LARGE1: variants seen among roughly 807,000 people sequenced by gnomAD.
LARGE1 encodes LARGE xylosyl- and glucuronyltransferase 1, also known as xylosyl- and glucuronyltransferase LARGE1.
Under a neutral mutation model 87.6 loss-of-function variants are expected in LARGE1, and 43 were observed. The observed-to-expected ratio is 0.49, with a 90% CI of 0.38 to 0.63. LARGE1 has a LOEUF of 0.63. LARGE1 is among the 30% of genes least tolerant of loss of function. The pLI, the probability that LARGE1 is intolerant of heterozygous loss-of-function variation, is 0.00. For missense variants in LARGE1, 802 were observed against 1,000.2 expected (o/e 0.80, Z 2.67); for synonymous variants, 434 against 394.6 (o/e 1.10, Z -1.18).
intron 2 of LARGE1, among the ~76,000 whole-genome samples, 199 bp from the exon 3 acceptor site, chr22:33,650,867 T>C (rs981481387): frequency 2.0e-5 from 3 of 152,168 alleles, no homozygotes; most frequent in African/African-American, 4.8e-5. Context: ...CAACTTATTA[T>C]GGTGATAAAA....
chr22:33,881,994 G>A (rs1348845117), intron 1 of LARGE1, among the ~76,000 whole-genome samples: 2 of 151,954 alleles, frequency 1.3e-5, no homozygotes, highest in African/African-American at 4.8e-5. Flanking sequence ...TGCCACACCC[G>A]CAAATGCTAT....
At chr22:33,548,207 GT>G (rs1167046948) in intron 6 of LARGE1, among the ~76,000 whole-genome samples, 1 of 152,218 alleles carries the variant, frequency 6.6e-6, no homozygotes, top group East Asian at 1.9e-4. Flanking sequence ...ATGAGATCTG[GT>G]TTTTTAAAAA....
intron 11 of LARGE1, among the ~76,000 whole-genome samples, chr22:33,246,335 G>A (rs974297808): frequency 1.3e-5 from 2 of 152,142 alleles, no homozygotes; most frequent in Non-Finnish European, 2.9e-5. Flanking sequence ...GGGATATTAT[G>A]TACTGTCAGT....
intron 6 of LARGE1, among the ~76,000 whole-genome samples, chr22:33,514,305 C>CAA (rs397818298): frequency 6.6e-6 from 1 of 151,748 alleles, no homozygotes; most frequent in Non-Finnish European, 1.5e-5. Context: ...CACACACACA[C>CAA]GATGATGCAC....
chr22:33,489,104 G>C (rs548253628), intron 6 of LARGE1, among the ~76,000 whole-genome samples: 53 of 152,290 alleles, frequency 3.5e-4, no homozygotes, highest in Non-Finnish European at 6.9e-4. Context: ...TAGGTGCTGA[G>C]GCTACAGAGG....
At chr22:33,164,805 A>C (rs1332266226) in exon 12 of LARGE1, 1 of 152,176 alleles carries the variant, frequency 6.6e-6, no homozygotes, top group Non-Finnish European at 1.5e-5. Context: ...GGTGTGAGCC[A>C]CTGCGCTCGG....
intron 1 of LARGE1, among the ~76,000 whole-genome samples, chr22:33,794,608 C>G (rs2085923415): frequency 6.6e-6 from 1 of 152,166 alleles, no homozygotes; most frequent in Non-Finnish European, 1.5e-5. Context: ...CTCATTTCCT[C>G]AAAGTGGGAA....
At chr22:33,553,411 G>A (rs561694623) in intron 6 of LARGE1, among the ~76,000 whole-genome samples, 83 of 152,196 alleles carry the variant, frequency 5.5e-4, no homozygotes, top group Middle Eastern at 3.4e-3. Flanking sequence ...AACTACTCTG[G>A]AAACTGAGGT....
rs570310691 is a variant in LARGE1, at chr22:33,641,364, C to T, written c.408+9003G>A. On this transcript the variant is annotated intron_variant, in intron 3 of 14. Coordinates refer to ENST00000397394, the MANE Select transcript of LARGE1 (RefSeq NM_133642.5). ...AACATCAACATCAACAAATAGGATG[C>T]CCACAAAAAAGGCCATCAGCATCCA... Among the ~76,000 whole-genome samples the T allele has an allele frequency of 2.0e-5, 3 of 152,116 alleles. No individual in the cohort carries two copies. The East Asian group carries it at 5.8e-4, about 29-fold the overall frequency.
At chr22:33,492,856 A>G (rs772621928) in intron 6 of LARGE1, among the ~76,000 whole-genome samples, 6 of 152,194 alleles carry the variant, frequency 3.9e-5, no homozygotes, top group Non-Finnish European at 7.4e-5. Flanking sequence ...TTTGAACAGT[A>G]TCTGATAAAA....
In LARGE1 at chr22:33,266,866, GA is replaced by G. The variant is rs568555249; in HGVS notation, c.1730+37362del. ...GTAGAGAACAGTCTTGGAGTCAGAG[GA>G]AAAAAAAAAAAGAGTTTGATTTGTG... On this transcript the variant is annotated intron_variant, in intron 11 of 11. Coordinates refer to the LARGE1 transcript ENST00000608642. Among the ~76,000 whole-genome samples, 115 of 141,374 alleles carry G rather than the reference GA, an allele frequency of 8.1e-4. 4 individuals are homozygous for G. The highest frequency in any genetic ancestry group is 2.0e-3 in the African/African-American group (75 of 38,098). 92.7% of individuals were successfully genotyped at this position (141,374 alleles called of 152,430 possible).
chr22:33,787,018 T>C (rs1811104), intron 1 of LARGE1, among the ~76,000 whole-genome samples: 131,258 of 144,604 alleles, frequency 0.91, 59,712 homozygotes, highest in East Asian at 0.97. Context: ...GAGACTCCAT[T>C]TCAAAAAAAA....
chr22:33,717,552 G>GT (rs1248834702), intron 2 of LARGE1, among the ~76,000 whole-genome samples: 4 of 152,122 alleles, frequency 2.6e-5, no homozygotes, highest in Non-Finnish European at 5.9e-5. Flanking sequence ...AGAGGAGCCC[G>GT]TAAAGATCAA....
the LARGE1 span, among the ~76,000 whole-genome samples, chr22:33,129,278 G>A: frequency 6.6e-6 from 1 of 152,034 alleles, no homozygotes; most frequent in Non-Finnish European, 1.5e-5. Context: ...TAGCATGAGG[G>A]AGTTTCTTTG....
intron 6 of LARGE1, among the ~76,000 whole-genome samples, chr22:33,439,556 A>G (rs2067394833): frequency 6.6e-6 from 1 of 151,384 alleles, no homozygotes; most frequent in African/African-American, 2.4e-5. Flanking sequence ...GTGCTCCCCA[A>G]CTCCCCTTCT....
chr22:33,089,504 CCTT>C, the LARGE1 span, among the ~76,000 whole-genome samples: 2 of 148,976 alleles, frequency 1.3e-5, no homozygotes, highest in African/African-American at 5.0e-5. Context: ...TTCTCCTCCT[CCTT>C]CTTTTTTTGA....
At chr22:33,369,043 T>C (rs2064705643) in intron 9 of LARGE1, among the ~76,000 whole-genome samples, 1 of 152,190 alleles carries the variant, frequency 6.6e-6, no homozygotes. Flanking sequence ...GTTTCCCACA[T>C]GGATCGACTC....
chr22:33,618,094 G>A (rs1358872310), intron 4 of LARGE1, among the ~76,000 whole-genome samples: 1 of 152,180 alleles, frequency 6.6e-6, no homozygotes, highest in Non-Finnish European at 1.5e-5. Flanking sequence ...ACAGCAACCT[G>A]AATTCTCAGT....
At chr22:33,225,632 C>T (rs1333787374) in intron 11 of LARGE1, among the ~76,000 whole-genome samples, 2 of 152,088 alleles carry the variant, frequency 1.3e-5, no homozygotes, top group Non-Finnish European at 1.5e-5. Context: ...AAACTTGTGT[C>T]ATGGGGGTTT....
Sources: gnomAD v4.1 joint callset for allele counts (sites outside exome capture counted in the v4.1 genomes callset) on GRCh38, gnomAD v4.1.1 for gene constraint, MANE v1.5 for transcripts, NCBI Gene and HGNC (gene_info 2026-07-23, HGNC 2026-07-21) for gene names.